HDAC5: variants seen among roughly 807,000 people sequenced by gnomAD.
HDAC5 encodes the protein antigen NY-CO-9.
Under a neutral mutation model 133.3 loss-of-function variants are expected in HDAC5, and 25 were observed. That is an observed-to-expected ratio of 0.19 (90% confidence interval 0.14 to 0.26). The LOEUF is 0.26. Ranked by LOEUF, HDAC5 falls within the 10% of genes least tolerant of loss-of-function variation. The pLI is 1.00. For synonymous variants in HDAC5, 589 were observed against 610.8 expected (o/e 0.96, Z 0.53); for missense variants, 1,041 against 1,460.5 (o/e 0.71, Z 4.68).
chr17:44,093,816 A>C lies in HDAC5; in HGVS notation c.113T>G (p.Leu38Arg). 1 of 1,519,066 alleles carries C rather than the reference A, an allele frequency of 6.6e-7. No individual in the cohort carries two copies. The highest frequency in any genetic ancestry group is 1.3e-5 in the South Asian group (1 of 75,728). The allele number at this position is 1,519,066 out of a possible 1,614,324, so 94.1% of individuals were successfully genotyped here. ...CATGGAACTGGGCATGGCTCTTGGC[A>C]GCACCGGCTTCACCTCCACTGTGGG... Reference protein sequence around the residue: ...IPVTVEVKPVLPRAMPSSMGG... With the variant: ...IPVTVEVKPVRPRAMPSSMGG... The change falls in exon 4 of 27, where the codon CTG (leucine) becomes CGG (arginine). Residue 38 changes from leucine (L) to arginine (R), a missense_variant. This residue lies in a region of HDAC5 where 93 missense variants were observed against 98.8 expected (regional missense o/e 0.94). Coordinates refer to ENST00000682912, the MANE Select transcript of HDAC5 (RefSeq NM_005474.5).
chr17:44,086,167 G>C (rs933809387), intron 14 of HDAC5, among the ~76,000 whole-genome samples: 2 of 152,080 alleles, frequency 1.3e-5, no homozygotes, highest in African/African-American at 4.8e-5. Context: ...GGTGATACAG[G>C]GCCACCCTCA....
intron 3 of HDAC5, among the ~76,000 whole-genome samples, chr17:44,106,479 G>C (rs553525747): frequency 6.6e-6 from 1 of 152,300 alleles, no homozygotes; most frequent in African/African-American, 2.4e-5. Context: ...TCGTCTAAAG[G>C]GGTGAGTTGG....
intron 3 of HDAC5, among the ~76,000 whole-genome samples, chr17:44,099,526 G>C (rs948208858): frequency 1.1e-4 from 17 of 151,626 alleles, no homozygotes; most frequent in African/African-American, 4.1e-4. Context: ...CCAGGCTGGA[G>C]TGCAGTGGCG....
intron 3 of HDAC5, among the ~76,000 whole-genome samples, chr17:44,104,277 C>T (rs1167632882): frequency 2.0e-5 from 3 of 151,728 alleles, no homozygotes; most frequent in Non-Finnish European, 4.4e-5. Context: ...GCACTCCAGC[C>T]TGGGCAACAG....
At chr17:44,078,900 A>C (rs1567977427) in intron 24 of HDAC5, 21 bp from the exon 25 acceptor site, 1 of 1,613,474 alleles carries the variant, frequency 6.2e-7, no homozygotes, top group African/African-American at 1.3e-5. Flanking sequence ...AAAGAAGAGA[A>C]GGCTTAGGGT....
At chr17:44,113,094 C>A (rs1252130461) in intron 2 of HDAC5, among the ~76,000 whole-genome samples, 8 of 152,196 alleles carry the variant, frequency 5.3e-5, no homozygotes, top group African/African-American at 9.6e-5. Context: ...TCCTCCCACC[C>A]ACGCTAGGAG....
At chr17:44,106,352 A>T (rs560682573) in intron 3 of HDAC5, among the ~76,000 whole-genome samples, 1 of 151,946 alleles carries the variant, frequency 6.6e-6, no homozygotes, top group East Asian at 1.9e-4. Flanking sequence ...TCCTCTCACA[A>T]CCCCAGGAGG....
intron 16 of HDAC5, 40 bp downstream of exon 16, chr17:44,084,515 C>CA (rs763906103): frequency 1.2e-6 from 2 of 1,608,948 alleles, no homozygotes; most frequent in Non-Finnish European, 1.7e-6. Context: ...CCCACCCTGA[C>CA]ACTGAACATG....
Position 44,092,213 on chromosome 17 carries a change from C to T in HDAC5, c.991G>A (p.Glu331Lys). The change falls in exon 9 of 27, where the codon GAG becomes AAG. Residue 331 changes from glutamate to lysine, a missense_variant. Physicochemically the swap from Glu to Lys is moderately conservative, Grantham distance 56. Transcript: ENST00000682912. ...GGGACTGAGCCAGTAAAGCCATTCT[C>T]AGCGATGGTGCTGTGGGAGCTGTTG... is the stretch of plus-strand genomic sequence containing the variant. Reference protein sequence around the residue: ...SPNSSHSTIAENGFTGSVPNI... With the variant: ...SPNSSHSTIAKNGFTGSVPNI... 1 of 1,614,058 alleles carries T rather than the reference C, an allele frequency of 6.2e-7. No individual in the cohort carries two copies. Among genetic ancestry groups the T allele is most frequent in the South Asian group, 1.1e-5 (1 of 91,082 alleles).
chr17:44,115,073 A>G (rs1243520471), intron 2 of HDAC5, among the ~76,000 whole-genome samples: 1 of 152,200 alleles, frequency 6.6e-6, no homozygotes, highest in African/African-American at 2.4e-5. Context: ...TAACATGTTC[A>G]CTGTGAGGAC....
intron 3 of HDAC5, among the ~76,000 whole-genome samples, chr17:44,100,577 A>C (rs864060): frequency 1.6e-5 from 1 of 60,968 alleles, no homozygotes; most frequent in African/African-American, 4.2e-5. Context: ...TACTAAAGAT[A>C]CAAAAAAAAA....
chr17:44,121,200 C>T (rs1223230130), intron 1 of HDAC5, among the ~76,000 whole-genome samples: 4 of 151,740 alleles, frequency 2.6e-5, no homozygotes, highest in Admixed American at 6.6e-5. Context: ...TGCCCTAAAA[C>T]CTCAGGCAGA....
Position 44,088,438 on chromosome 17 carries a change from C to G in HDAC5, c.1548G>C (p.Gln516His). Residue 516 changes from glutamine (Q) to histidine (H), a missense_variant, in exon 12 of 27, where the codon CAG becomes CAC. Physicochemically the swap from Gln to His is conservative, Grantham distance 24 (BLOSUM62 0). Coordinates refer to ENST00000682912, the MANE Select transcript of HDAC5 (RefSeq NM_005474.5). Reference sequence around the variant, plus strand: ...TCTGCTTCTCCAGGAACTGCTGGTGCTGTTGTTGCATGACCAGCTGCTGCA... The same window carrying G: ...TCTGCTTCTCCAGGAACTGCTGGTGGTGTTGTTGCATGACCAGCTGCTGCA... ...QALQQLVMQQ[Q>H]HQQFLEKQKQ... 1 of 1,588,584 alleles carries G rather than the reference C, an allele frequency of 6.3e-7. No homozygotes were observed. The highest frequency in any genetic ancestry group is 8.6e-7 in the Non-Finnish European group (1 of 1,167,974).
intron 14 of HDAC5, among the ~76,000 whole-genome samples, chr17:44,085,646 CAT>C (rs1223789449): frequency 1.3e-5 from 2 of 152,026 alleles, no homozygotes; most frequent in African/African-American, 4.8e-5. Context: ...GGATTACAGG[CAT>C]GTGCCACCAC....
Position 44,092,421 on chromosome 17 carries a change from A to G in HDAC5, c.879T>C (p.Phe293=), listed in dbSNP as rs772560619. The G allele has an allele frequency of 5.6e-6, 9 of 1,613,914 alleles. 1 individual carries two copies. In the South Asian group the frequency reaches 9.9e-5, roughly 18 times the overall value. ...CTGTGATCTCAACAGCTCTCTTCTT[A>G]AAGGTGCTAATAACAGTCCCATCCT... ...RRKDGTVIST[F]KKRAVEITGA... The change falls in exon 8 of 27, where the codon TTT becomes TTC. Residue 293 remains phenylalanine, a synonymous_variant. Transcript: ENST00000682912.
intron 3 of HDAC5, among the ~76,000 whole-genome samples, chr17:44,097,899 A>T (rs1371674845): frequency 6.6e-6 from 1 of 152,266 alleles, no homozygotes; most frequent in African/African-American, 2.4e-5. Context: ...CTGCCACTGC[A>T]GCAGCAGAGA....
chr17:44,078,771 G>A, intron 25 of HDAC5, 24 bp downstream of exon 25: 1 of 1,612,788 alleles, frequency 6.2e-7, no homozygotes, highest in Non-Finnish European at 8.5e-7. Flanking sequence ...GGCAGCCTGA[G>A]CCCCTCTACG....
intron 6 of HDAC5, 22 bp from the exon 7 acceptor site, chr17:44,092,828 G>GGGGGC: frequency 5.0e-6 from 3 of 596,624 alleles, no homozygotes; most frequent in Non-Finnish European, 8.6e-6. Flanking sequence ...GGGGGGTGGG[G>GGGGGC]ATGGAAGCAG....
chr17:44,081,417 T>C (rs1039913954), intron 20 of HDAC5, among the ~76,000 whole-genome samples: 6 of 150,590 alleles, frequency 4.0e-5, no homozygotes, highest in Admixed American at 2.0e-4. Flanking sequence ...GCCCGGCCAA[T>C]TTTTTTTGTA....
Sources: allele counts gnomAD v4.1 joint callset (sites outside exome capture counted in the v4.1 genomes callset), GRCh38; gene constraint gnomAD v4.1.1; regional missense constraint gnomAD v4.1.1; transcripts MANE v1.5; gene names NCBI Gene and HGNC (gene_info 2026-07-23, HGNC 2026-07-21).